Variants in SH3GL1 observed in about 807,000 individuals in gnomAD.
SH3GL1 encodes endophilin-A2.
A neutral mutation model predicts 48.8 loss-of-function variants in SH3GL1; 21 were observed. The ratio of observed to expected loss-of-function variants is 0.43; its 90% confidence interval spans 0.30 to 0.62. SH3GL1 has a LOEUF of 0.62. Among genes scored for constraint, SH3GL1 ranks in the 20% least tolerant of loss-of-function variants. The pLI is 0.11. For missense variants in SH3GL1, 454 were observed against 503.0 expected, an observed-to-expected ratio of 0.90 and a Z score of 0.93; for synonymous variants, 282 against 217.5, an observed-to-expected ratio of 1.30 and a Z score of -2.61.
intron 9 of SH3GL1, 122 bp downstream of exon 9, chr19:4,362,207 T>TGCTGCACGAGCCTGGCCCCTCCC: frequency 9.9e-7 from 1 of 1,011,876 alleles, no homozygotes; most frequent in Non-Finnish European, 1.5e-6. Flanking sequence ...TGCCCCCTAC[T>TGCTGCACGAGCCTGGCCCCTCCC]GCTGCACGAG....
rs1308367942 is a variant in SH3GL1 at position 4,366,527 on chromosome 19, G to A, written c.161C>T (p.Thr54Ile). The A allele has an allele frequency of 6.2e-7, 1 of 1,611,514 alleles. No homozygotes were observed. Among genetic ancestry groups the A allele is most frequent in the East Asian group, 2.2e-5 (1 of 44,872 alleles). ...TGGGTTGGGCTGCAGGTACTCGATGGTCCTGGCCAGCACTTCTGTCACCGC... is the reference window on the plus strand; with the variant it reads ...TGGGTTGGGCTGCAGGTACTCGATGATCCTGGCCAGCACTTCTGTCACCGC... ...SKAVTEVLAR[T>I]IEYLQPNPAS... The change falls in exon 3 of 10, where the codon ACC becomes ATC. Residue 54 changes from threonine (T) to isoleucine (I), a missense_variant. Physicochemically the swap from Thr to Ile is moderately conservative, Grantham distance 89. Transcript: ENST00000269886.
chr19:4,374,604 C>T (rs950826540), intron 1 of SH3GL1, among the ~76,000 whole-genome samples: 2 of 152,244 alleles, frequency 1.3e-5, no homozygotes, highest in Admixed American at 6.5e-5. Flanking sequence ...GCGTTTCTCC[C>T]GGGACAGCCT....
chr19:4,392,552 AC>A, intron 1 of SH3GL1, among the ~76,000 whole-genome samples: 1 of 150,850 alleles, frequency 6.6e-6, no homozygotes, highest in African/African-American at 2.5e-5. Context: ...ACACACACAC[AC>A]ACACACACAC....
chr19:4,368,218 C>T lies in SH3GL1; in HGVS notation c.46-1224G>A, dbSNP rs374347751. Among the ~76,000 whole-genome samples, 41 of 152,222 alleles carry T rather than the reference C, an allele frequency of 2.7e-4. No individual in the cohort carries two copies. In the South Asian group the frequency reaches 5.4e-3, roughly 20 times the overall value. On this transcript the variant is annotated intron_variant, in intron 1 of 9. Coordinates refer to ENST00000269886, the MANE Select transcript of SH3GL1 (RefSeq NM_003025.4). ...TTGCCTGCCCCGAGCTGTCACAAGA[C>T]GTGGCCAAGGGATGCCATGAGGGTC...
rs1599605162 is a variant in SH3GL1 at position 4,376,521 on chromosome 19, C to T, written c.46-9527G>A. Among the ~76,000 whole-genome samples, 1 of 152,284 alleles carries T rather than the reference C, an allele frequency of 6.6e-6. No homozygotes were observed. The highest frequency in any genetic ancestry group is 2.1e-4 in the South Asian group (1 of 4,824). The stretch of plus-strand genomic sequence containing the variant: ...AAGCCTCCTCCCACAGGAAGCTCTC[C>T]TGATTGATCCCCATCACTGGTCTCC... On this transcript the variant is annotated intron_variant, in intron 1 of 9. Coordinates refer to ENST00000269886, the MANE Select transcript of SH3GL1 (RefSeq NM_003025.4). The surrounding 1 kb of genome is among the most constrained non-coding windows in gnomAD (Gnocchi z 4.3).
intron 1 of SH3GL1, among the ~76,000 whole-genome samples, chr19:4,374,655 G>C (rs1972970290): frequency 6.6e-6 from 1 of 152,228 alleles, no homozygotes; most frequent in African/African-American, 2.4e-5. Flanking sequence ...TGAGAGGCTT[G>C]GCCTCTGGTC....
intron 1 of SH3GL1, among the ~76,000 whole-genome samples, chr19:4,387,845 G>C (rs765572554): frequency 6.6e-6 from 1 of 151,838 alleles, no homozygotes; most frequent in Non-Finnish European, 1.5e-5. Flanking sequence ...TACTACGCCC[G>C]ACGAATTTTG....
At chr19:4,393,422 C>G (rs1359249534) in intron 1 of SH3GL1, among the ~76,000 whole-genome samples, 1 of 151,862 alleles carries the variant, frequency 6.6e-6, no homozygotes, top group Non-Finnish European at 1.5e-5. Flanking sequence ...GAGTTCAAGA[C>G]CTGGAGTGGT....
At chr19:4,396,004 C>G (rs867868428) in intron 1 of SH3GL1, 7 of 151,930 alleles carry the variant, frequency 4.6e-5, no homozygotes, top group East Asian at 3.9e-4. Flanking sequence ...CTAGCTCCCC[C>G]CTAAAAAAGA....
rs1407364241 is a variant in SH3GL1 at position 4,362,663 on chromosome 19, G to C, written c.802C>G (p.Pro268Ala). ...GGGAAGCCCCCGTTGGACTGCTCAGGCTCTCCAAGGTCAAAGGGCTCCCGG... is the reference window on the plus strand; with the variant it reads ...GGGAAGCCCCCGTTGGACTGCTCAGCCTCTCCAAGGTCAAAGGGCTCCCGG... ...KPREPFDLGE[P>A]EQSNGGFPCT... is the part of the protein sequence containing the mutation. Residue 268 changes from proline to alanine, a missense_variant, in exon 8 of 10, where the codon CCT becomes GCT. Physicochemically the swap from Pro to Ala is conservative, Grantham distance 27. Transcript: ENST00000269886. 2 of 1,613,956 alleles carry C rather than the reference G, an allele frequency of 1.2e-6. No individual in the cohort carries two copies. The highest frequency in any genetic ancestry group is 3.3e-5 in the Admixed American group (2 of 60,028).
Position 4,400,251 on chromosome 19 carries a change from C to G in SH3GL1, c.45+73G>C. ...CGGTCCCCCCGGCCCCCTCCCGGGCCAGGTCGGGCCTGGCTCCCTCATCCG... is the reference window on the plus strand; with the variant it reads ...CGGTCCCCCCGGCCCCCTCCCGGGCGAGGTCGGGCCTGGCTCCCTCATCCG... On this transcript the variant is annotated intron_variant, in intron 1 of 9. Transcript: ENST00000269886. The surrounding 1 kb of genome is among the most constrained non-coding windows in gnomAD (Gnocchi z 4.1). The G allele has an allele frequency of 6.6e-7, 1 of 1,518,722 alleles. No individual in the cohort carries two copies. Among genetic ancestry groups the G allele is most frequent in the South Asian group, 1.2e-5 (1 of 85,448 alleles). The allele number at this position is 1,518,722 out of a possible 1,614,324, so 94.1% of individuals were successfully genotyped here.
chr19:4,386,249 A>C (rs1477471093), intron 1 of SH3GL1, among the ~76,000 whole-genome samples: 3 of 152,188 alleles, frequency 2.0e-5, no homozygotes, highest in Non-Finnish European at 4.4e-5. Flanking sequence ...CTCATCCCAC[A>C]GAGGCGGGTG....
At chr19:4,362,211 G>A (rs1972636717) in intron 9 of SH3GL1, 118 bp downstream of exon 9, 2 of 1,057,946 alleles carry the variant, frequency 1.9e-6, no homozygotes, top group Admixed American at 2.0e-5. Flanking sequence ...CCCTACTGCT[G>A]CACGAGCCTG....
rs867709510 is a variant in SH3GL1 at position 4,376,093 on chromosome 19, A to G, written c.46-9099T>C. Among the ~76,000 whole-genome samples, 6 of 152,368 alleles carry G rather than the reference A, an allele frequency of 3.9e-5. No homozygotes were observed. Among genetic ancestry groups the G allele is most frequent in the Middle Eastern group, 3.4e-3 (1 of 294 alleles). On this transcript the variant is annotated intron_variant, in intron 1 of 9. Coordinates refer to ENST00000269886, the MANE Select transcript of SH3GL1 (RefSeq NM_003025.4). This position sits in a 1 kb window ranked among gnomAD's most constrained non-coding sequence, Gnocchi z 4.3. ...CAGCGGTGAGAGGCTGCAGGTGCAC[A>G]GATCTCAACGAGGGGCCGTGAGTTC...
chr19:4,370,217 G>A (rs1972869629), intron 1 of SH3GL1, among the ~76,000 whole-genome samples: 1 of 152,248 alleles, frequency 6.6e-6, no homozygotes, highest in African/African-American at 2.4e-5. Context: ...CCGCATCAGA[G>A]ACCCTACCGG....
At chr19:4,366,681 C>G in intron 2 of SH3GL1, 108 bp from the exon 3 acceptor site, 2 of 1,081,934 alleles carry the variant, frequency 1.8e-6, no homozygotes, top group Non-Finnish European at 2.8e-6. Context: ...ACCAGGACCC[C>G]CCAACCCCCT....
chr19:4,362,752 C>A lies in SH3GL1; in HGVS notation c.729-16G>T, dbSNP rs377545383. On this transcript the variant is annotated splice_polypyrimidine_tract_variant and intron_variant, in intron 7 of 9. Transcript: ENST00000269886. ...TTCCCGCATCCTGTGAAGGGAGAGG[C>A]GTGAGTGGACCGAGCCCGTGTCACG... 4.3e-6 allele frequency: 7 copies of A among 1,613,544 alleles called. No individual in the cohort carries two copies. The highest frequency in any genetic ancestry group is 5.9e-6 in the Non-Finnish European group (7 of 1,179,988).
At chr19:4,394,207 C>T (rs937873894) in intron 1 of SH3GL1, among the ~76,000 whole-genome samples, 2 of 151,838 alleles carry the variant, frequency 1.3e-5, no homozygotes, top group Admixed American at 6.6e-5. Flanking sequence ...TCACACAGCC[C>T]GGCCACAAGA....
chr19:4,366,989 G>A lies in SH3GL1; in HGVS notation c.51C>T (p.Val17=). 2 of 1,613,906 alleles carry A rather than the reference G, an allele frequency of 1.2e-6. No homozygotes were observed. Among genetic ancestry groups the A allele is most frequent in the Middle Eastern group, 1.7e-4 (1 of 6,060 alleles). ...CCTCGGCCCCTCCGACCTTCTCACT[G>A]ACCAGCTAGAGGACAGAAGAGGGGA... ...KKQFYKASQL[V]SEKVGGAEGT... Residue 17 remains valine (V), a synonymous_variant, in exon 2 of 10, where the codon GTC becomes GTT. Coordinates refer to ENST00000269886, the MANE Select transcript of SH3GL1 (RefSeq NM_003025.4).
Sources: allele counts gnomAD v4.1 joint callset (sites outside exome capture counted in the v4.1 genomes callset), GRCh38; gene constraint gnomAD v4.1.1; non-coding constraint Gnocchi (gnomAD v3.1); transcripts MANE v1.5; gene names NCBI Gene and HGNC (gene_info 2026-07-23, HGNC 2026-07-21).